The following PAM variants were observed in gnomAD, a reference collection of about 807,000 sequenced individuals.
The protein encoded by PAM is peptidyl-glycine alpha-amidating monooxygenase.
Under a neutral mutation model 122.1 loss-of-function variants are expected in PAM, and 72 were observed. That is an observed-to-expected ratio of 0.59 (90% CI 0.49 to 0.72). The LOEUF is 0.72. PAM is among the 30% of genes least tolerant of loss of function. PAM has a pLI of 0.00. For synonymous variants in PAM, 389 were observed against 404.4 expected, an observed-to-expected ratio of 0.96 and a Z score of 0.46; for missense variants, 1,106 against 1,183.7, an observed-to-expected ratio of 0.93 and a Z score of 0.96.
chr5:102,781,071 A>T (rs1285464025), intron 1 of PAM, among the ~76,000 whole-genome samples: 2 of 152,012 alleles, frequency 1.3e-5, no homozygotes, highest in Non-Finnish European at 2.9e-5. Flanking sequence ...CTACTCTGAG[A>T]TCTCTATCAG....
At chr5:102,782,136 T>C (rs1759130933) in intron 1 of PAM, among the ~76,000 whole-genome samples, 1 of 152,262 alleles carries the variant, frequency 6.6e-6, no homozygotes, top group South Asian at 2.1e-4. Flanking sequence ...ATTTCAAACC[T>C]GAACACTTTA....
At chr5:102,837,007 T>C (rs1241505326) in intron 1 of PAM, among the ~76,000 whole-genome samples, 1 of 152,112 alleles carries the variant, frequency 6.6e-6, no homozygotes. Context: ...GCTCTTTTTC[T>C]TTACAGTAGC....
chr5:102,831,576 T>G (rs967578308), intron 1 of PAM, among the ~76,000 whole-genome samples: 2 of 152,106 alleles, frequency 1.3e-5, no homozygotes, highest in Non-Finnish European at 2.9e-5. Flanking sequence ...AATATAAATA[T>G]GTTTATCAAT....
chr5:102,906,538 GA>G (rs1245627663), intron 4 of PAM, among the ~76,000 whole-genome samples: 1 of 151,628 alleles, frequency 6.6e-6, no homozygotes, highest in African/African-American at 2.4e-5. Flanking sequence ...CTCTGAGCCA[GA>G]ACACTCCACA....
At chr5:102,906,967 CT>C (rs2151478094) in intron 4 of PAM, among the ~76,000 whole-genome samples, 1 of 151,716 alleles carries the variant, frequency 6.6e-6, no homozygotes, top group Admixed American at 6.6e-5. Flanking sequence ...TCTATTGATT[CT>C]TTGATATATA....
At chr5:102,823,116 A>C (rs960276160) in intron 1 of PAM, among the ~76,000 whole-genome samples, 1 of 152,206 alleles carries the variant, frequency 6.6e-6, no homozygotes, top group African/African-American at 2.4e-5. Context: ...TCTGACCTTC[A>C]ACCATGATAG....
intron 5 of PAM, among the ~76,000 whole-genome samples, chr5:102,920,946 G>A (rs1201154485): frequency 1.3e-5 from 2 of 152,040 alleles, no homozygotes; most frequent in African/African-American, 4.8e-5. Context: ...GAAATGACAA[G>A]CTACCATTTT....
intron 1 of PAM, among the ~76,000 whole-genome samples, chr5:102,863,831 A>C (rs1561668942): frequency 6.6e-6 from 1 of 151,250 alleles, no homozygotes. Context: ...TTAGCTTACA[A>C]GTCATCCAGA....
chr5:103,011,131 A>AT (rs1780482674), intron 21 of PAM, among the ~76,000 whole-genome samples: 1 of 152,214 alleles, frequency 6.6e-6, no homozygotes. Flanking sequence ...CTTCAAAAGC[A>AT]TAACTCTGTT....
At chr5:103,009,946 G>C (rs1780136987) in intron 21 of PAM, 80 bp downstream of exon 21, 2 of 606,532 alleles carry the variant, frequency 3.3e-6, no homozygotes, top group Admixed American at 6.9e-5. Flanking sequence ...ATCTGTACTT[G>C]AATAGCTTTA....
chr5:102,901,981 C>A (rs1196522873), intron 4 of PAM, among the ~76,000 whole-genome samples: 1 of 151,582 alleles, frequency 6.6e-6, no homozygotes, highest in Non-Finnish European at 1.5e-5. Flanking sequence ...CCAACTGAGC[C>A]TTTAAATCAG....
chr5:102,974,298 G>C lies in PAM; in HGVS notation c.1345G>C (p.Gly449Arg). The change falls in exon 15 of 26, where the codon GGT (glycine) becomes CGT (arginine). Residue 449 changes from glycine to arginine, a missense_variant. Gly to Arg is a moderately radical substitution (Grantham distance 125, BLOSUM62 -2). Around this residue, in one of 3 missense-constraint regions of PAM, gnomAD observed 670 missense variants for 690.3 expected, o/e 0.97. Coordinates refer to ENST00000438793, the MANE Select transcript of PAM (RefSeq NM_001177306.2). ...DAREGAEHER[G>R]NAILVRDRIH... Reference sequence around the variant, plus strand: ...CAGAGAGGGTGCAGAACATGAGAGGGGTAATGCTATTCTTGTCAGAGACAG... The same window carrying C: ...CAGAGAGGGTGCAGAACATGAGAGGCGTAATGCTATTCTTGTCAGAGACAG... The C allele has an allele frequency of 6.2e-7, 1 of 1,613,928 alleles. No individual in the cohort carries two copies. The highest frequency in any genetic ancestry group is 8.5e-7 in the Non-Finnish European group (1 of 1,179,888).
At chr5:102,949,231 G>A (rs1029555621) in intron 9 of PAM, among the ~76,000 whole-genome samples, 1 of 151,948 alleles carries the variant, frequency 6.6e-6, no homozygotes, top group African/African-American at 2.4e-5. Context: ...CAATTTTTAA[G>A]CTTTCTCAAC....
chr5:102,899,234 A>T (rs975094563), intron 3 of PAM, among the ~76,000 whole-genome samples: 7 of 151,726 alleles, frequency 4.6e-5, no homozygotes, highest in Non-Finnish European at 7.4e-5. Flanking sequence ...CTCATTTTAA[A>T]TTGGGTGGCT....
At chr5:103,011,803 T>C (rs1780712987) in intron 21 of PAM, among the ~76,000 whole-genome samples, 1 of 148,382 alleles carries the variant, frequency 6.7e-6, no homozygotes, top group South Asian at 2.1e-4. Flanking sequence ...CTGGCTTGTA[T>C]GATAGCTCTA....
At chr5:102,940,746 A>G (rs1008018888) in intron 7 of PAM, among the ~76,000 whole-genome samples, 1 of 152,164 alleles carries the variant, frequency 6.6e-6, no homozygotes, top group Non-Finnish European at 1.5e-5. Flanking sequence ...AGACAAATGA[A>G]TGTTTAAATA....
intron 16 of PAM, among the ~76,000 whole-genome samples, chr5:102,992,403 A>T (rs1774377583): frequency 6.6e-6 from 1 of 151,924 alleles, no homozygotes; most frequent in South Asian, 2.1e-4. Flanking sequence ...CCCTTAGCAG[A>T]CTTTGCAATC....
At chr5:102,984,044 A>G (rs994769246) in intron 15 of PAM, among the ~76,000 whole-genome samples, 33 of 152,322 alleles carry the variant, frequency 2.2e-4, no homozygotes, top group Admixed American at 2.0e-3. Context: ...CAAAACAACA[A>G]TATCTACCAT....
intron 6 of PAM, 95 bp from the exon 7 acceptor site, chr5:102,926,490 G>A: frequency 2.7e-6 from 2 of 728,872 alleles, no homozygotes; most frequent in South Asian, 3.1e-5. Context: ...TATGTTATAT[G>A]TTATTTCCCT....
Sources: gnomAD v4.1 joint callset for allele counts (sites outside exome capture counted in the v4.1 genomes callset) on GRCh38, gnomAD v4.1.1 for gene constraint, gnomAD v4.1.1 regional missense constraint, MANE v1.5 for transcripts, NCBI Gene and HGNC (gene_info 2026-07-23, HGNC 2026-07-21) for gene names.